SLC28A3: variants seen among roughly 807,000 people sequenced by gnomAD.
The protein encoded by SLC28A3 is concentrative Na(+)-nucleoside cotransporter 3.
A neutral mutation model predicts 84.2 loss-of-function variants in SLC28A3; 68 were observed. That is an observed-to-expected ratio of 0.81 (90% CI 0.66 to 0.99). The LOEUF is 0.99. Among genes scored for constraint, SLC28A3 ranks in the 50% least tolerant of loss-of-function variants. The pLI is 0.00. For missense variants in SLC28A3, 712 were observed against 841.5 expected (o/e 0.85, Z 1.90); for synonymous variants, 267 against 303.6 (o/e 0.88, Z 1.25).
Position 84,309,729 on chromosome 9 carries a change from T to C in SLC28A3, c.157-15A>G, listed in dbSNP as rs747298575. On this transcript the variant is annotated splice_polypyrimidine_tract_variant and intron_variant, in intron 2 of 17. Coordinates refer to ENST00000376238, the MANE Select transcript of SLC28A3 (RefSeq NM_001199633.2). ...TGTTCTTCATCCTGGAAATCAAACA[T>C]TGGAGCAGAGATGGAATAATGAGCA... The C allele has an allele frequency of 1.9e-5, 31 of 1,611,516 alleles. No individual in the cohort carries two copies. The highest frequency in any genetic ancestry group is 3.3e-5 in the Admixed American group (2 of 59,900).
intron 1 of SLC28A3, among the ~76,000 whole-genome samples, chr9:84,325,103 G>A (rs1199868510): frequency 3.9e-5 from 6 of 152,120 alleles, no homozygotes; most frequent in Non-Finnish European, 8.8e-5. Flanking sequence ...CAATCAATGA[G>A]GATCCCTGAG....
At chr9:84,279,659 CCT>C (rs1796482603) in intron 16 of SLC28A3, among the ~76,000 whole-genome samples, 1 of 152,184 alleles carries the variant, frequency 6.6e-6, no homozygotes, top group East Asian at 1.9e-4. Flanking sequence ...GTCTCAAACT[CCT>C]GACAGCTGGT....
chr9:84,317,359 C>G, intron 1 of SLC28A3, among the ~76,000 whole-genome samples: 1 of 152,166 alleles, frequency 6.6e-6, no homozygotes, highest in Non-Finnish European at 1.5e-5. Context: ...AAGCTTGTGG[C>G]CACTTTTAGC....
chr9:84,310,694 A>G, intron 2 of SLC28A3: 1 of 709,402 alleles, frequency 1.4e-6, no homozygotes, highest in Non-Finnish European at 1.7e-6. Context: ...CTTCTGATTC[A>G]GATTACCTTC....
intron 1 of SLC28A3, among the ~76,000 whole-genome samples, chr9:84,339,232 A>G (rs372765300): frequency 1.3e-5 from 2 of 152,040 alleles, no homozygotes; most frequent in African/African-American, 4.8e-5. Flanking sequence ...AGGCTCTCAT[A>G]CATGTGAGAT....
intron 10 of SLC28A3, among the ~76,000 whole-genome samples, chr9:84,292,175 C>G (rs550342904): frequency 6.6e-6 from 1 of 152,326 alleles, no homozygotes; most frequent in African/African-American, 2.4e-5. Flanking sequence ...TGGTCTCCTC[C>G]ATTGCCACAG....
Position 84,331,148 on chromosome 9 carries a change from G to T in SLC28A3, c.60+9426C>A, listed in dbSNP as rs115775010. Reference sequence around the variant, plus strand: ...TGTTTTCCCCTAAAAATAAGTCTAGGTGTGATCATGCAAACTTGAGGAAAG... The same window carrying T: ...TGTTTTCCCCTAAAAATAAGTCTAGTTGTGATCATGCAAACTTGAGGAAAG... On this transcript the variant is annotated intron_variant, in intron 1 of 17. Coordinates refer to ENST00000376238, the MANE Select transcript of SLC28A3 (RefSeq NM_001199633.2). 9.3e-3 allele frequency among the ~76,000 whole-genome samples: 1,415 copies of T among 152,252 alleles called. 27 individuals carry two copies. The highest frequency in any genetic ancestry group is 0.032 in the African/African-American group (1,335 of 41,548).
chr9:84,321,144 A>AC (rs1826361864), intron 1 of SLC28A3, among the ~76,000 whole-genome samples: 1 of 152,122 alleles, frequency 6.6e-6, no homozygotes, highest in Admixed American at 6.5e-5. Flanking sequence ...GCCACGGTGA[A>AC]CTGGAAATCC....
At chr9:84,333,023 G>C (rs1826846492) in intron 1 of SLC28A3, among the ~76,000 whole-genome samples, 2 of 152,152 alleles carry the variant, frequency 1.3e-5, no homozygotes, top group African/African-American at 4.8e-5. Flanking sequence ...CAAAGTTAAG[G>C]AACTGCCTGG....
In SLC28A3 at chr9:84,277,422, A is replaced by C. The variant is rs546569137; in HGVS notation, c.*796T>G. ...CCTAGCGGAAGATGAAAGAGCCATC[A>C]TGTGGTTCCCACCTTTCTTTTCCCT... is the stretch of plus-strand genomic sequence containing the variant. On this transcript the variant is annotated 3_prime_UTR_variant, in exon 18 of 18. Coordinates refer to ENST00000376238, the MANE Select transcript of SLC28A3 (RefSeq NM_001199633.2). 6 of 152,382 alleles carry C rather than the reference A, an allele frequency of 3.9e-5. No individual in the cohort carries two copies. The highest frequency in any genetic ancestry group is 4.1e-4 in the South Asian group (2 of 4,828). 9.4% of individuals were successfully genotyped at this position (152,382 alleles called of 1,614,324 possible). A position where few individuals can be genotyped will look rare whatever the true frequency, so the allele number is the denominator to read the frequency against.
chr9:84,343,849 G>C (rs920252244), upstream of SLC28A3, among the ~76,000 whole-genome samples: 2 of 152,122 alleles, frequency 1.3e-5, no homozygotes, highest in African/African-American at 4.8e-5. Context: ...CCAACACTTT[G>C]GGAAGCCAAG....
chr9:84,361,606 G>GT, the SLC28A3 span, among the ~76,000 whole-genome samples: 1 of 152,098 alleles, frequency 6.6e-6, no homozygotes, highest in Non-Finnish European at 1.5e-5. Context: ...CCGCGAGAGT[G>GT]TTTTGTCCCC....
At position 84,278,009 on chromosome 9, in the gene SLC28A3, TTGGTGGGGAAGGGGC is replaced by T; in HGVS notation, c.*194_*208del. On this transcript the variant is annotated 3_prime_UTR_variant, in exon 18 of 18. Coordinates refer to ENST00000376238, the MANE Select transcript of SLC28A3 (RefSeq NM_001199633.2). Reference sequence around the variant, plus strand: ...TCACTTTGGGACATCATAGCAGTTCTTGGTGGGGAAGGGGCTGGTGGGGAGGGAGGGGAGGAGGAA... The same window carrying T: ...TCACTTTGGGACATCATAGCAGTTCTTGGTGGGGAGGGAGGGGAGGAGGAA... 1 of 577,372 alleles carries T rather than the reference TTGGTGGGGAAGGGGC, an allele frequency of 1.7e-6. No homozygotes were observed. The highest frequency in any genetic ancestry group is 3.0e-6 in the Non-Finnish European group (1 of 338,208). 35.8% of individuals were successfully genotyped at this position (577,372 alleles called of 1,614,324 possible).
chr9:84,305,961 C>G (rs1033825455), intron 3 of SLC28A3, among the ~76,000 whole-genome samples: 13 of 152,102 alleles, frequency 8.5e-5, no homozygotes, highest in Non-Finnish European at 1.6e-4. Context: ...TATTTCCATC[C>G]AGGGCTTTGT....
chr9:84,356,515 C>T, the SLC28A3 span, among the ~76,000 whole-genome samples: 10 of 152,126 alleles, frequency 6.6e-5, no homozygotes, highest in Admixed American at 6.6e-4. Context: ...GTAGACAATA[C>T]ACCAATCCTA....
At chr9:84,304,456 T>A (rs1197192243) in intron 4 of SLC28A3, among the ~76,000 whole-genome samples, 6 of 120,266 alleles carry the variant, frequency 5.0e-5, no homozygotes, top group South Asian at 2.5e-4. Context: ...AAAATAACAG[T>A]ACAACAAAAA....
the SLC28A3 span, among the ~76,000 whole-genome samples, chr9:84,367,142 C>T: frequency 6.6e-6 from 1 of 152,144 alleles, no homozygotes; most frequent in African/African-American, 2.4e-5. Context: ...AGAGGAGCCT[C>T]ACTTCATAGC....
intron 1 of SLC28A3, among the ~76,000 whole-genome samples, chr9:84,317,790 A>C (rs1826225090): frequency 6.6e-6 from 1 of 152,152 alleles, no homozygotes; most frequent in African/African-American, 2.4e-5. Flanking sequence ...GTAAGTGCTC[A>C]TTGACTATTA....
At chr9:84,365,236 C>T in the SLC28A3 span, among the ~76,000 whole-genome samples, 1 of 152,152 alleles carries the variant, frequency 6.6e-6, no homozygotes, top group South Asian at 2.1e-4. Context: ...GATGCTATCT[C>T]ACTGTAATCT....
Sources: allele counts gnomAD v4.1 joint callset (sites outside exome capture counted in the v4.1 genomes callset), GRCh38; gene constraint gnomAD v4.1.1; transcripts MANE v1.5; gene names NCBI Gene and HGNC (gene_info 2026-07-23, HGNC 2026-07-21).